N4BP2: variants seen among roughly 807,000 people sequenced by gnomAD.
The protein encoded by N4BP2 is NEDD4 binding protein 2, also known as NEDD4-binding protein 2.
In N4BP2, 91 loss-of-function variants were observed where a neutral mutation model predicts 152.8. That is an observed-to-expected ratio of 0.60 (90% CI 0.50 to 0.71). The LOEUF is 0.71. Ranked by LOEUF, N4BP2 falls within the 30% of genes least tolerant of loss-of-function variation. N4BP2 has a pLI of 0.00. For missense variants in N4BP2, 1,923 were observed against 2,059.1 expected (o/e 0.93, Z 1.28); for synonymous variants, 646 against 705.3 (o/e 0.92, Z 1.33).
At position 40,137,027 on chromosome 4, in the gene N4BP2, T is replaced by G; in HGVS notation, c.4730T>G (p.Val1577Gly). 6.2e-7 allele frequency: 1 copy of G among 1,613,936 alleles called. No individual in the cohort carries two copies. Among genetic ancestry groups the G allele is most frequent in the Non-Finnish European group, 8.5e-7 (1 of 1,179,884 alleles). ...PVKTVVAQEF[V>G]HQNENVTSHT... is the part of the protein sequence containing the mutation. ...AAAACAGTTGTAGCCCAAGAGTTTG[T>G]TCACCAAAATGAGAATGTCACATCT... The change falls in exon 14 of 18, where the codon GTT (valine) becomes GGT (glycine). Residue 1577 changes from valine to glycine, a missense_variant. Physicochemically the swap from Val to Gly is moderately radical, Grantham distance 109 (BLOSUM62 -3). Transcript: ENST00000261435.
At chr4:40,074,678 C>T (rs925632559) in intron 2 of N4BP2, among the ~76,000 whole-genome samples, 4 of 152,144 alleles carry the variant, frequency 2.6e-5, no homozygotes, top group Non-Finnish European at 5.9e-5. Context: ...GTTAGTTTTT[C>T]TATTTAATGA....
chr4:40,160,326 A>G (rs1414736411), downstream of N4BP2, among the ~76,000 whole-genome samples: 19 of 152,118 alleles, frequency 1.2e-4, no homozygotes, highest in Admixed American at 1.2e-3. Flanking sequence ...GGTTTGACGT[A>G]TTTTTCGATT....
chr4:40,097,853 C>G, intron 3 of N4BP2, among the ~76,000 whole-genome samples: 1 of 152,196 alleles, frequency 6.6e-6, no homozygotes, highest in East Asian at 1.9e-4. Context: ...CAGACTGGCA[C>G]TGTTGACACT....
chr4:40,089,316 T>C (rs888742578), intron 2 of N4BP2, among the ~76,000 whole-genome samples: 1 of 152,174 alleles, frequency 6.6e-6, no homozygotes, highest in Non-Finnish European at 1.5e-5. Context: ...TTAGTCCTTA[T>C]CCTGAATGTG....
intron 1 of N4BP2, among the ~76,000 whole-genome samples, chr4:40,069,943 C>T (rs1452485483): frequency 6.6e-6 from 1 of 151,994 alleles, no homozygotes; most frequent in African/African-American, 2.4e-5. Context: ...AACACAACCC[C>T]CAAAAACTCT....
chr4:40,107,085 T>C, intron 5 of N4BP2, 61 bp downstream of exon 5: 1 of 1,551,732 alleles, frequency 6.4e-7, no homozygotes, highest in South Asian at 1.1e-5. Context: ...AAAATTCACT[T>C]AGTATTTGTT....
intron 6 of N4BP2, among the ~76,000 whole-genome samples, chr4:40,112,519 A>ATT (rs368160998): frequency 1.7e-3 from 257 of 152,238 alleles, no homozygotes; most frequent in African/African-American, 5.8e-3. Flanking sequence ...CAGAATCAAA[A>ATT]TTTGTTGGTC....
chr4:40,115,075 TTTC>T (rs1285166645), intron 7 of N4BP2, among the ~76,000 whole-genome samples: 5 of 152,244 alleles, frequency 3.3e-5, no homozygotes, highest in Non-Finnish European at 7.3e-5. Flanking sequence ...GTTTAATTAA[TTTC>T]TGCTTCTCAT....
intron 14 of N4BP2, among the ~76,000 whole-genome samples, chr4:40,141,026 T>C (rs1283709806): frequency 6.6e-6 from 1 of 151,692 alleles, no homozygotes; most frequent in African/African-American, 2.4e-5. Context: ...GATTTCTCAC[T>C]CTTTTCCCCA....
the N4BP2 span, among the ~76,000 whole-genome samples, chr4:40,170,668 G>A: frequency 6.6e-6 from 1 of 152,196 alleles, no homozygotes; most frequent in Non-Finnish European, 1.5e-5. Context: ...CAGGAGCTCA[G>A]TGGACCTCAT....
At position 40,157,152 on chromosome 4, in the gene N4BP2, T is replaced by C. The variant is rs1721663005; in HGVS notation, c.*2915T>C. The C allele has an allele frequency of 1.3e-5, 2 of 152,034 alleles. No homozygotes were observed. Among genetic ancestry groups the C allele is most frequent in the Non-Finnish European group, 2.9e-5 (2 of 67,954 alleles). 9.4% of individuals were successfully genotyped at this position (152,034 alleles called of 1,614,324 possible). A position where few individuals can be genotyped will look rare whatever the true frequency, so the allele number is the denominator to read the frequency against. On this transcript the variant is annotated 3_prime_UTR_variant, in exon 18 of 18. Coordinates refer to ENST00000261435, the MANE Select transcript of N4BP2 (RefSeq NM_018177.6). ...GTTGGACCAGGGAGATATTAGACAC[T>C]TAACAGTATTTTCAGTCTGTCCATC... is the stretch of plus-strand genomic sequence containing the variant.
At position 40,102,550 on chromosome 4, in the gene N4BP2, G is replaced by C. The variant is rs775943482; in HGVS notation, c.705G>C (p.Leu235Phe). Reference protein sequence around the residue: ...KCFIKDNTLALESNYPEDSLL... With the variant: ...KCFIKDNTLAFESNYPEDSLL... The stretch of plus-strand genomic sequence containing the variant: ...TTATAAAGGATAACACATTGGCTTT[G>C]GAAAGTAACTACCCGGAAGATTCTC... Residue 235 changes from leucine to phenylalanine, a missense_variant, in exon 4 of 18, where the codon TTG becomes TTC. By Grantham distance (22) the Leu-to-Phe change is conservative. Transcript: ENST00000261435. The C allele has an allele frequency of 6.2e-7, 1 of 1,614,148 alleles. No homozygotes were observed. Among genetic ancestry groups the C allele is most frequent in the Admixed American group, 1.7e-5 (1 of 60,018 alleles).
intron 7 of N4BP2, among the ~76,000 whole-genome samples, chr4:40,113,866 A>G (rs1717121208): frequency 6.6e-6 from 1 of 152,118 alleles, no homozygotes; most frequent in Non-Finnish European, 1.5e-5. Context: ...TGCTGGGACC[A>G]CAGGTGTGAG....
intron 1 of N4BP2, among the ~76,000 whole-genome samples, chr4:40,065,473 A>G (rs1360272558): frequency 6.6e-6 from 1 of 152,180 alleles, no homozygotes; most frequent in Non-Finnish European, 1.5e-5. Flanking sequence ...TTAGCGAGCA[A>G]TGACACTGAA....
At chr4:40,081,034 A>G (rs577747680) in intron 2 of N4BP2, among the ~76,000 whole-genome samples, 1 of 152,106 alleles carries the variant, frequency 6.6e-6, no homozygotes, top group East Asian at 1.9e-4. Context: ...ATCTTTTTAC[A>G]TACAAATAGA....
At chr4:40,181,074 T>C in the N4BP2 span, among the ~76,000 whole-genome samples, 1 of 152,140 alleles carries the variant, frequency 6.6e-6, no homozygotes, top group African/African-American at 2.4e-5. Flanking sequence ...TGCTTGAACC[T>C]GGGAGGCAGA....
the N4BP2 span, among the ~76,000 whole-genome samples, chr4:40,165,197 A>G: frequency 6.6e-6 from 1 of 152,016 alleles, no homozygotes; most frequent in African/African-American, 2.4e-5. Context: ...TTTAGGTCAT[A>G]TTCCTGTGAT....
intron 2 of N4BP2, among the ~76,000 whole-genome samples, chr4:40,085,096 A>G (rs1713809934): frequency 6.6e-6 from 1 of 151,748 alleles, no homozygotes. Context: ...TATTTTTAGT[A>G]GAGACGGGGC....
Position 40,102,151 on chromosome 4 carries a change from C to T in N4BP2, c.306C>T (p.Phe102=), listed in dbSNP as rs144556959. 18 of 1,613,112 alleles carry T rather than the reference C, an allele frequency of 1.1e-5. No individual in the cohort carries two copies. The highest frequency in any genetic ancestry group is 1.3e-5 in the African/African-American group (1 of 74,972). ...TAGAAGAATCATCTTCACAAAGTTT[C>T]GTTGCTTCTGAGAACCAAGTAGGTG... ...TKIEESSSQS[F]VASENQVGAA... is the part of the protein sequence containing the mutation. Residue 102 remains phenylalanine, a synonymous_variant, in exon 4 of 18, where the codon TTC becomes TTT. Coordinates refer to ENST00000261435, the MANE Select transcript of N4BP2 (RefSeq NM_018177.6).
Sources: gnomAD v4.1 joint callset for allele counts (sites outside exome capture counted in the v4.1 genomes callset) on GRCh38, gnomAD v4.1.1 for gene constraint, MANE v1.5 for transcripts, NCBI Gene and HGNC (gene_info 2026-07-23, HGNC 2026-07-21) for gene names.